The following KNSTRN variants were observed in gnomAD, a reference collection of about 807,000 sequenced individuals.
The protein encoded by KNSTRN is small kinetochore-associated protein.
A neutral mutation model predicts 44.7 loss-of-function variants in KNSTRN; 38 were observed. The observed-to-expected ratio is 0.85, with a 90% CI of 0.66 to 1.11. The LOEUF (loss-of-function observed/expected upper bound fraction) is 1.11. KNSTRN is among the 50% of genes most tolerant of loss of function. The pLI, the probability that KNSTRN is intolerant of heterozygous loss-of-function variation, is 0.00. For synonymous variants in KNSTRN, 158 were observed against 148.1 expected (o/e 1.07, Z -0.48); for missense variants, 406 against 375.8 (o/e 1.08, Z -0.66).
intron 2 of KNSTRN, among the ~76,000 whole-genome samples, chr15:40,383,636 A>AT (rs1889853444): frequency 6.6e-6 from 1 of 152,210 alleles, no homozygotes; most frequent in South Asian, 2.1e-4. Flanking sequence ...TTATCGTCTT[A>AT]TTTCCAGACT....
Position 40,389,487 on chromosome 15 carries a change from AG to A in KNSTRN, c.486-18del, listed in dbSNP as rs775792844. ...GTTAACCCTTTTATCTTTTCATGTAAGTACAACTATTATTACAGCTACAAAC... is the reference window on the plus strand; with the variant it reads ...GTTAACCCTTTTATCTTTTCATGTAATACAACTATTATTACAGCTACAAAC... On this transcript the variant is annotated intron_variant, in intron 4 of 8. Coordinates refer to ENST00000249776, the MANE Select transcript of KNSTRN (RefSeq NM_033286.4). 1.3e-6 allele frequency: 2 copies of A among 1,585,144 alleles called. No individual in the cohort carries two copies. The highest frequency in any genetic ancestry group is 3.3e-5 in the Admixed American group (2 of 59,970).
At chr15:40,388,525 C>T (rs1889940071) in intron 4 of KNSTRN, among the ~76,000 whole-genome samples, 1 of 152,094 alleles carries the variant, frequency 6.6e-6, no homozygotes, top group Admixed American at 6.5e-5. Flanking sequence ...GTTTCACCGT[C>T]TCTACTAAAA....
chr15:40,393,392 G>A (rs1440600935), intron 8 of KNSTRN, 77 bp from the exon 9 acceptor site: 11 of 1,594,248 alleles, frequency 6.9e-6, no homozygotes, highest in African/African-American at 1.3e-5. Flanking sequence ...ATAATGTTCT[G>A]ATGTGGGAAT....
chr15:40,389,223 A>T (rs769775898), intron 4 of KNSTRN: 34 of 479,224 alleles, frequency 7.1e-5, no homozygotes, highest in South Asian at 5.3e-4. Flanking sequence ...ATCTCAGCTC[A>T]CCACAACCTC....
intron 6 of KNSTRN, 81 bp from the exon 7 acceptor site, chr15:40,391,412 C>A: frequency 1.8e-6 from 2 of 1,108,352 alleles, no homozygotes; most frequent in Non-Finnish European, 2.7e-6. Flanking sequence ...TATTTCTGTA[C>A]TTGTCCACGG....
Position 40,383,056 on chromosome 15 carries a change from C to G in KNSTRN, c.209+12C>G. The G allele has an allele frequency of 1.2e-6, 2 of 1,609,210 alleles. No homozygotes were observed. Among genetic ancestry groups the G allele is most frequent in the South Asian group, 1.1e-5 (1 of 90,986 alleles). On this transcript the variant is annotated intron_variant, in intron 1 of 8. Coordinates refer to ENST00000249776, the MANE Select transcript of KNSTRN (RefSeq NM_033286.4). ...CGGCGGGCTCCTGGGTTCGGCTCTC[C>G]CGGGGCGAGGGACTGGGCTGGATGG...
Position 40,389,844 on chromosome 15 carries a change from G to A in KNSTRN, c.600G>A (p.Leu200=). 6.2e-7 allele frequency: 1 copy of A among 1,614,220 alleles called. No homozygotes were observed. The highest frequency in any genetic ancestry group is 1.1e-5 in the South Asian group (1 of 91,086). Residue 200 remains leucine, a synonymous_variant, in exon 6 of 9, where the codon CTG becomes CTA. Transcript: ENST00000249776. ...HQKLTETQGE[L]KDLTQKVELL... ...GTGCTGTGCTCCAATAGGGAGAGCT[G>A]AAGGACCTGACCCAGAAGGTAGAGC...
At chr15:40,391,000 G>A (rs1040375974) in intron 6 of KNSTRN, among the ~76,000 whole-genome samples, 1 of 151,984 alleles carries the variant, frequency 6.6e-6, no homozygotes, top group African/African-American at 2.4e-5. Flanking sequence ...TCGCTATGTT[G>A]CCCAGGCTGG....
rs754619508 is a variant in KNSTRN, at chr15:40,393,553, T to G, written c.907T>G (p.Leu303Val). The change falls in exon 9 of 9, where the codon TTA (leucine) becomes GTA (valine). Residue 303 changes from leucine (L) to valine (V), a missense_variant. Physicochemically the swap from Leu to Val is conservative, Grantham distance 32. Coordinates refer to ENST00000249776, the MANE Select transcript of KNSTRN (RefSeq NM_033286.4). The part of the protein sequence containing the change: ...QTLCNNQVND[L>V]TTALKEMEQL... ...CTTATGTAACAATCAAGTAAATGAT[T>G]TAACAACAGCCCTTAAGGAAATGGA... 6 of 1,613,948 alleles carry G rather than the reference T, an allele frequency of 3.7e-6. No homozygotes were observed. In the African/African-American group the frequency reaches 8.0e-5, roughly 22 times the overall value.
chr15:40,387,959 G>A (rs1487205154), intron 4 of KNSTRN, among the ~76,000 whole-genome samples: 2 of 152,184 alleles, frequency 1.3e-5, no homozygotes, highest in Admixed American at 1.3e-4. Context: ...AGTGAGCCAA[G>A]ATCACGTCAT....
Position 40,383,022 on chromosome 15 carries a change from G to C in KNSTRN, c.187G>C (p.Gly63Arg), listed in dbSNP as rs1566921587. The change falls in exon 1 of 9, where the codon GGG (glycine) becomes CGG (arginine). Residue 63 changes from glycine to arginine, a missense_variant. Physicochemically the swap from Gly to Arg is moderately radical, Grantham distance 125. Transcript: ENST00000249776. Reference protein sequence around the residue: ...NLLNESEKDCGQDRRAPGVQP... With the variant: ...NLLNESEKDCRQDRRAPGVQP... ...TTTAAACGAGAGCGAGAAGGACTGC[G>C]GGCAGGACCGGCGGGCTCCTGGGTT... is the stretch of plus-strand genomic sequence containing the variant. 4 of 1,611,250 alleles carry C rather than the reference G, an allele frequency of 2.5e-6. No individual in the cohort carries two copies. The highest frequency in any genetic ancestry group is 2.5e-6 in the Non-Finnish European group (3 of 1,180,020).
chr15:40,389,682 C>G (rs1444568635), intron 5 of KNSTRN, 71 bp downstream of exon 5: 2 of 1,336,148 alleles, frequency 1.5e-6, no homozygotes, highest in Non-Finnish European at 2.1e-6. Flanking sequence ...ATGGGTGGCC[C>G]CTTGGATGAG....
Position 40,383,288 on chromosome 15 carries a change from G to GC in KNSTRN, c.276dup (p.Ser93LeufsTer18), listed in dbSNP as rs746725876. The GC allele has an allele frequency of 6.8e-6, 11 of 1,613,650 alleles. No homozygotes were observed. The highest frequency in any genetic ancestry group is 9.3e-6 in the Non-Finnish European group (11 of 1,179,798). On this transcript the variant is annotated frameshift_variant, in exon 2 of 9. Coordinates refer to ENST00000249776, the MANE Select transcript of KNSTRN (RefSeq NM_033286.4). LOFTEE classifies it high-confidence loss of function. ...TGGTTAAGACAGTGTATAGCCTGCA[G>GC]CCCCCCTCTGCGCTGAGCGGCGGCC... is the stretch of plus-strand genomic sequence containing the variant.
intron 3 of KNSTRN, chr15:40,386,852 A>T: frequency 1.9e-6 from 1 of 526,958 alleles, no homozygotes; most frequent in Non-Finnish European, 3.4e-6. Flanking sequence ...GTGTGTGTGT[A>T]TGTCCCCAGC....
chr15:40,393,004 A>G (rs1043501579), intron 8 of KNSTRN, among the ~76,000 whole-genome samples: 2 of 146,414 alleles, frequency 1.4e-5, no homozygotes, highest in African/African-American at 5.1e-5. Context: ...TTTTTCCACT[A>G]ATTTTTTTTT....
intron 2 of KNSTRN, 54 bp downstream of exon 2, chr15:40,383,376 G>T: frequency 7.1e-7 from 1 of 1,408,734 alleles, no homozygotes; most frequent in Non-Finnish European, 9.9e-7. Context: ...GATGGTCTCG[G>T]GAGTGTGGAG....
At chr15:40,383,603 G>C (rs1249793086) in intron 2 of KNSTRN, among the ~76,000 whole-genome samples, 1 of 152,246 alleles carries the variant, frequency 6.6e-6, no homozygotes, top group Non-Finnish European at 1.5e-5. Flanking sequence ...TTCCCATTAA[G>C]CTAGGAATCC....
intron 4 of KNSTRN, chr15:40,389,082 A>C: frequency 2.3e-6 from 1 of 431,912 alleles, no homozygotes; most frequent in Non-Finnish European, 4.6e-6. Flanking sequence ...ACTGAAGGTC[A>C]TATACCACTG....
intron 6 of KNSTRN, among the ~76,000 whole-genome samples, chr15:40,391,000 G>T (rs1040375974): frequency 6.6e-6 from 1 of 151,984 alleles, no homozygotes; most frequent in Non-Finnish European, 1.5e-5. Flanking sequence ...TCGCTATGTT[G>T]CCCAGGCTGG....
Sources: allele counts gnomAD v4.1 joint callset (sites outside exome capture counted in the v4.1 genomes callset), GRCh38; gene constraint gnomAD v4.1.1; transcripts MANE v1.5; gene names NCBI Gene and HGNC (gene_info 2026-07-23, HGNC 2026-07-21).